CCDC196: variants seen among roughly 807,000 people sequenced by gnomAD.
The protein encoded by CCDC196 is coiled-coil domain-containing protein 196.
intron 2 of CCDC196, among the ~76,000 whole-genome samples, chr14:66,487,488 CTT>C (rs1310970381): frequency 6.6e-6 from 1 of 152,206 alleles, no homozygotes; most frequent in Non-Finnish European, 1.5e-5. Context: ...GCAAAATAGA[CTT>C]CTCTCAGAGC....
intron 5 of CCDC196, 92 bp downstream of exon 5, chr14:66,490,911 C>A (rs1426463372): frequency 7.3e-6 from 3 of 410,804 alleles, no homozygotes; most frequent in African/African-American, 4.1e-5. Context: ...TTTGGGTAGG[C>A]AGATAGGTAG....
chr14:66,489,631 C>T (rs1270852640), intron 4 of CCDC196, among the ~76,000 whole-genome samples: 1 of 152,112 alleles, frequency 6.6e-6, no homozygotes, highest in Non-Finnish European at 1.5e-5. Flanking sequence ...TCCCTGCCTC[C>T]TCCTGTATCT....
At chr14:66,496,934 G>A (rs1272090128) in intron 8 of CCDC196, 1 of 152,392 alleles carries the variant, frequency 6.6e-6, no homozygotes, top group Non-Finnish European at 1.5e-5. Flanking sequence ...AATACTCTTT[G>A]AGACCTTATT....
chr14:66,491,153 G>C, intron 6 of CCDC196, 49 bp downstream of exon 6: 1 of 412,206 alleles, frequency 2.4e-6, no homozygotes, highest in Non-Finnish European at 4.4e-6. Context: ...TAGTAAACTA[G>C]AAATCTTTAA....
intron 2 of CCDC196, among the ~76,000 whole-genome samples, chr14:66,487,447 T>A (rs561384263): frequency 1.3e-5 from 2 of 152,234 alleles, no homozygotes; most frequent in East Asian, 3.9e-4. Flanking sequence ...TGCTTACAAC[T>A]CAGCAACAAG....
intron 8 of CCDC196, chr14:66,496,854 C>A (rs1403110924): frequency 6.4e-6 from 1 of 155,508 alleles, no homozygotes; most frequent in Admixed American, 6.3e-5. Context: ...CTGAGAAAAA[C>A]CTGAACGTTG....
intron 8 of CCDC196, among the ~76,000 whole-genome samples, chr14:66,493,139 A>G (rs964434080): frequency 2.0e-5 from 3 of 151,898 alleles, no homozygotes; most frequent in Non-Finnish European, 2.9e-5. Flanking sequence ...TATCAGTATC[A>G]GTATGTATGT....
chr14:66,497,933 G>C (rs911145022), intron 8 of CCDC196, among the ~76,000 whole-genome samples, 176 bp from the exon 9 acceptor site: 5 of 151,352 alleles, frequency 3.3e-5, no homozygotes, highest in Non-Finnish European at 7.4e-5. Context: ...CAGAAAAACA[G>C]TCTGCCACTC....
At chr14:66,496,318 A>G (rs528644237) in intron 8 of CCDC196, 118 of 456,254 alleles carry the variant, frequency 2.6e-4, no homozygotes, top group African/African-American at 2.2e-3. Flanking sequence ...TGGTTGGCTG[A>G]GTTGCAGTGG....
At position 66,491,975 on chromosome 14, in the gene CCDC196, G is replaced by A. The variant is rs538394067; in HGVS notation, c.574-78G>A. ...TGATGGAATTACTTTTTAACTTCTG[G>A]GTAAAGAGGATTCAGGTAACAATGG... On this transcript the variant is annotated intron_variant, in intron 7 of 9. Coordinates refer to ENST00000636229, the MANE Select transcript of CCDC196 (RefSeq NM_001351576.1). 2.4e-5 allele frequency: 10 copies of A among 410,050 alleles called. No homozygotes were observed. In the Admixed American group the frequency reaches 4.0e-4, roughly 16 times the overall value. The allele number at this position is 410,050 out of a possible 1,614,324, so 25.4% of individuals were successfully genotyped here. A position where few individuals can be genotyped will look rare whatever the true frequency, so the allele number is the denominator to read the frequency against.
At chr14:66,493,677 T>C (rs2057595547) in intron 8 of CCDC196, 1 of 152,204 alleles carries the variant, frequency 6.6e-6, no homozygotes, top group Admixed American at 6.5e-5. Flanking sequence ...TCTGGCTTGA[T>C]CCATAGGTAA....
chr14:66,492,339 C>CA (rs1555366053), intron 8 of CCDC196, 145 bp downstream of exon 8: 20,769 of 298,600 alleles, frequency 0.07, 463 homozygotes, highest in Middle Eastern at 0.11. Flanking sequence ...TTTTCATTAT[C>CA]TTTTTTTTTT....
intron 8 of CCDC196, chr14:66,496,403 C>G (rs2057667678): frequency 2.2e-6 from 1 of 455,392 alleles, no homozygotes; most frequent in Non-Finnish European, 4.4e-6. Flanking sequence ...CAAATCCCTA[C>G]TTGTGAATTC....
At chr14:66,490,003 C>CT (rs796781941) in intron 4 of CCDC196, among the ~76,000 whole-genome samples, 242 of 151,500 alleles carry the variant, frequency 1.6e-3, no homozygotes, top group African/African-American at 5.5e-3. Flanking sequence ...TGATCTCTGT[C>CT]TTTTTTTTTC....
At chr14:66,491,231 C>T in intron 6 of CCDC196, 127 bp downstream of exon 6, 1 of 400,456 alleles carries the variant, frequency 2.5e-6, no homozygotes, top group Non-Finnish European at 4.4e-6. Flanking sequence ...GATTTGGTTC[C>T]CTTGTGTTAC....
At position 66,488,143 on chromosome 14, in the gene CCDC196, G is replaced by T; in HGVS notation, c.204-17G>T. ...TAAGGAGGTATGTATGTTTTATGAT[G>T]CCTCTCTTTCTTCTAGTCTTCAGAT... On this transcript the variant is annotated splice_polypyrimidine_tract_variant and intron_variant, in intron 2 of 9. Coordinates refer to ENST00000636229, the MANE Select transcript of CCDC196 (RefSeq NM_001351576.1). 1 of 412,852 alleles carries T rather than the reference G, an allele frequency of 2.4e-6. No individual in the cohort carries two copies. The allele number at this position is 412,852 out of a possible 1,614,324, so 25.6% of individuals were successfully genotyped here.
rs2057525318 is a variant in CCDC196 at position 66,491,114 on chromosome 14, C to T, written c.513+10C>T. 1 of 413,184 alleles carries T rather than the reference C, an allele frequency of 2.4e-6. No individual in the cohort carries two copies. The allele number at this position is 413,184 out of a possible 1,614,324, so 25.6% of individuals were successfully genotyped here. On this transcript the variant is annotated intron_variant, in intron 6 of 9. Transcript: ENST00000636229. Reference sequence around the variant, plus strand: ...GAAGGAGATAAGGAAGGTAGTACAGCCATTCTGAATGGCAGTGGCTTTTAG... The same window carrying T: ...GAAGGAGATAAGGAAGGTAGTACAGTCATTCTGAATGGCAGTGGCTTTTAG...
chr14:66,495,424 T>A (rs1259819412), intron 8 of CCDC196, among the ~76,000 whole-genome samples: 1 of 152,182 alleles, frequency 6.6e-6, no homozygotes, highest in African/African-American at 2.4e-5. Flanking sequence ...AAAGGTATTA[T>A]AGAACAAGAA....
At chr14:66,497,635 T>TCTAATTAGAA (rs2057696092) in intron 8 of CCDC196, among the ~76,000 whole-genome samples, 1 of 152,178 alleles carries the variant, frequency 6.6e-6, no homozygotes, top group Admixed American at 6.5e-5. Context: ...TAGAACAGAC[T>TCTAATTAGAA]CACTATCGGT....
Sources: allele counts gnomAD v4.1 joint callset (sites outside exome capture counted in the v4.1 genomes callset), GRCh38; gene constraint gnomAD v4.1.1; transcripts MANE v1.5; gene names NCBI Gene and HGNC (gene_info 2026-07-23, HGNC 2026-07-21).